ADARB2: variants seen among roughly 807,000 people sequenced by gnomAD.
ADARB2 encodes the protein inactive double-stranded RNA-specific editase B2.
In ADARB2, 25 loss-of-function variants were observed where a neutral mutation model predicts 62.2. That is an observed-to-expected ratio of 0.40 (90% confidence interval 0.29 to 0.56). ADARB2 has a LOEUF of 0.56. Ranked by LOEUF, ADARB2 falls within the 20% of genes least tolerant of loss-of-function variation. The pLI is 0.43. For missense variants in ADARB2, 1,071 were observed against 1,077.4 expected (o/e 0.99, Z 0.08); for synonymous variants, 572 against 500.8 (o/e 1.14, Z -1.90).
chr10:1,497,993 C>T (rs991637692), intron 1 of ADARB2, among the ~76,000 whole-genome samples: 1 of 152,014 alleles, frequency 6.6e-6, no homozygotes, highest in Admixed American at 6.6e-5. Flanking sequence ...ATAAAAAAAT[C>T]TCATTAAATC....
chr10:1,416,316 G>T (rs1832801335), intron 1 of ADARB2, among the ~76,000 whole-genome samples: 1 of 152,266 alleles, frequency 6.6e-6, no homozygotes, highest in African/African-American at 2.4e-5. Flanking sequence ...GCTGCCAAAA[G>T]TTGAGAGATG....
chr10:1,190,103 G>A (rs1836820529), intron 8 of ADARB2, among the ~76,000 whole-genome samples: 1 of 152,098 alleles, frequency 6.6e-6, no homozygotes, highest in Non-Finnish European at 1.5e-5. Flanking sequence ...TGAGCTCCAA[G>A]GAGAAATGCG....
intron 1 of ADARB2, among the ~76,000 whole-genome samples, chr10:1,569,010 G>T (rs1428117040): frequency 6.6e-6 from 1 of 152,130 alleles, no homozygotes; most frequent in Non-Finnish European, 1.5e-5. Context: ...GTGAGAGAGA[G>T]ACACAGAGAG....
chr10:1,496,776 T>A (rs1377051131), intron 1 of ADARB2, among the ~76,000 whole-genome samples: 1 of 152,166 alleles, frequency 6.6e-6, no homozygotes, highest in African/African-American at 2.4e-5. Flanking sequence ...ACCAGCATCA[T>A]CATCACCGTC....
At chr10:1,464,775 C>T (rs577085300) in intron 1 of ADARB2, among the ~76,000 whole-genome samples, 1 of 147,980 alleles carries the variant, frequency 6.8e-6, no homozygotes, top group African/African-American at 2.5e-5. Flanking sequence ...GGGCAGCGTG[C>T]TGGAGAAGAG....
At chr10:1,434,975 G>T (rs1830818071) in intron 1 of ADARB2, among the ~76,000 whole-genome samples, 1 of 152,246 alleles carries the variant, frequency 6.6e-6, no homozygotes, top group South Asian at 2.1e-4. Flanking sequence ...AGAAATAGCA[G>T]CCCAACCCTC....
At chr10:1,199,219 C>CCT (rs1554742821) in intron 8 of ADARB2, among the ~76,000 whole-genome samples, 3 of 148,396 alleles carry the variant, frequency 2.0e-5, no homozygotes, top group African/African-American at 7.3e-5. Context: ...AACCCACCCC[C>CCT]CCGCTTCCCG....
At chr10:1,310,157 TG>T (rs1229635660) in intron 3 of ADARB2, among the ~76,000 whole-genome samples, 1 of 152,254 alleles carries the variant, frequency 6.6e-6, no homozygotes, top group Non-Finnish European at 1.5e-5. Context: ...GGGCCTATTT[TG>T]GACCGAGCAC....
intron 1 of ADARB2, among the ~76,000 whole-genome samples, chr10:1,458,599 GTC>G (rs1831126904): frequency 6.6e-6 from 1 of 152,108 alleles, no homozygotes; most frequent in Non-Finnish European, 1.5e-5. Context: ...CCACTTGGGG[GTC>G]CACCGCTATG....
At chr10:1,276,449 T>G (rs1280355348) in intron 3 of ADARB2, among the ~76,000 whole-genome samples, 1 of 152,158 alleles carries the variant, frequency 6.6e-6, no homozygotes, top group Non-Finnish European at 1.5e-5. Context: ...TTTCTTCCAT[T>G]TTGTAGTTTG....
At position 1,255,241 on chromosome 10, in the gene ADARB2, A is replaced by G. The variant is rs983761165; in HGVS notation, c.1193-12942T>C. The stretch of plus-strand genomic sequence containing the variant: ...TTAACACTCATTCTTTTTCCTTCCA[A>G]AATGGCTGGGGCTTGCTTTGTCAAC... On this transcript the variant is annotated intron_variant, in intron 4 of 9. Transcript: ENST00000381312. This position sits in a 1 kb window ranked among gnomAD's most constrained non-coding sequence, Gnocchi z 4.7. Among the ~76,000 whole-genome samples the G allele has an allele frequency of 2.6e-5, 4 of 152,266 alleles. No homozygotes were observed. Among genetic ancestry groups the G allele is most frequent in the African/African-American group, 9.6e-5 (4 of 41,478 alleles).
At chr10:1,200,374 G>C (rs17221568) in intron 7 of ADARB2, 16,768 of 581,936 alleles carry the variant, frequency 0.029, 371 homozygotes, top group Non-Finnish European at 0.04. Flanking sequence ...AACAAATGCT[G>C]CTCTCTTTTC....
Position 1,318,925 on chromosome 10 carries a change from C to T in ADARB2, c.1077+44103G>A, listed in dbSNP as rs75985156. Reference sequence around the variant, plus strand: ...CAGAAAATGACCCAGGGTAGATGGACCGTGCTCCAAAGGCTTATGAATGTG... The same window carrying T: ...CAGAAAATGACCCAGGGTAGATGGATCGTGCTCCAAAGGCTTATGAATGTG... On this transcript the variant is annotated intron_variant, in intron 3 of 9. Coordinates refer to ENST00000381312, the MANE Select transcript of ADARB2 (RefSeq NM_018702.4). Among the ~76,000 whole-genome samples, 8 of 152,278 alleles carry T rather than the reference C, an allele frequency of 5.3e-5. No homozygotes were observed. In the East Asian group the frequency reaches 1.5e-3, roughly 29 times the overall value.
Position 1,363,252 on chromosome 10 carries a change from G to T in ADARB2, c.853C>A (p.Arg285Ser). 2 of 1,336,460 alleles carry T rather than the reference G, an allele frequency of 1.5e-6. No homozygotes were observed. The highest frequency in any genetic ancestry group is 1.9e-6 in the Non-Finnish European group (2 of 1,040,056). The allele number at this position is 1,336,460 out of a possible 1,614,324, so 82.8% of individuals were successfully genotyped here. A position where few individuals can be genotyped will look rare whatever the true frequency, so the allele number is the denominator to read the frequency against. Residue 285 changes from arginine to serine, a missense_variant, in exon 3 of 10, where the codon CGC (arginine) becomes AGC (serine). Coordinates refer to ENST00000381312, the MANE Select transcript of ADARB2 (RefSeq NM_018702.4). ...ACGTAGCGCAGCCCGGCGCGCAGGC[G>T]GTTCAGCAGCACCACGGGGTTGCGC... ...GERNPVVLLN[R>S]LRAGLRYVCL...
At chr10:1,209,345 GCC>G (rs1837112032) in intron 7 of ADARB2, among the ~76,000 whole-genome samples, 1 of 121,922 alleles carries the variant, frequency 8.2e-6, no homozygotes, top group African/African-American at 3.1e-5. Flanking sequence ...CCACACCCAT[GCC>G]CATGCCTACA....
At chr10:1,452,558 A>G (rs1171561473) in intron 1 of ADARB2, among the ~76,000 whole-genome samples, 1 of 144,908 alleles carries the variant, frequency 6.9e-6, no homozygotes, top group Non-Finnish European at 1.5e-5. Context: ...AAAACCAAAC[A>G]CTGCATGTTC....
At chr10:1,690,660 T>C (rs1292293417) in intron 1 of ADARB2, among the ~76,000 whole-genome samples, 2 of 152,130 alleles carry the variant, frequency 1.3e-5, no homozygotes, top group African/African-American at 4.8e-5. Flanking sequence ...CCTGTCCCCA[T>C]GCTCAGTGGA....
At chr10:1,622,184 A>G (rs1238445442) in intron 1 of ADARB2, among the ~76,000 whole-genome samples, 1 of 152,236 alleles carries the variant, frequency 6.6e-6, no homozygotes, top group Non-Finnish European at 1.5e-5. Context: ...CTTACACTAT[A>G]CACAAAACGC....
intron 1 of ADARB2, among the ~76,000 whole-genome samples, chr10:1,438,095 C>G (rs1342368404): frequency 6.6e-6 from 1 of 152,222 alleles, no homozygotes; most frequent in African/African-American, 2.4e-5. Context: ...CTGAAGAACA[C>G]TAGCTCTGGC....
Sources: allele counts gnomAD v4.1 joint callset (sites outside exome capture counted in the v4.1 genomes callset), GRCh38; gene constraint gnomAD v4.1.1; non-coding constraint Gnocchi (gnomAD v3.1); transcripts MANE v1.5; gene names NCBI Gene and HGNC (gene_info 2026-07-23, HGNC 2026-07-21).